ERI1: variants seen among roughly 807,000 people sequenced by gnomAD.
ERI1 encodes 3'-5' exoribonuclease 1.
Under a neutral mutation model 39.7 loss-of-function variants are expected in ERI1, and 39 were observed. That is an observed-to-expected ratio of 0.98 (90% CI 0.76 to 1.28). The LOEUF (loss-of-function observed/expected upper bound fraction) is 1.28, where lower values mean the gene tolerates loss of function less well. Ranked by LOEUF, ERI1 falls within the 50% of genes most tolerant of loss-of-function variation. The pLI is 0.00. For synonymous variants in ERI1, 204 were observed against 149.6 expected, an observed-to-expected ratio of 1.36 and a Z score of -2.65; for missense variants, 581 against 416.9, an observed-to-expected ratio of 1.39 and a Z score of -3.43.
intron 3 of ERI1, among the ~76,000 whole-genome samples, chr8:9,063,013 A>G (rs1339472742): frequency 6.6e-6 from 1 of 152,142 alleles, no homozygotes; most frequent in Non-Finnish European, 1.5e-5. Flanking sequence ...GGAGGCAAGG[A>G]ATTGCAACTC....
intron 3 of ERI1, among the ~76,000 whole-genome samples, chr8:9,069,689 A>C (rs1049411766): frequency 6.6e-6 from 1 of 152,234 alleles, no homozygotes; most frequent in Admixed American, 6.5e-5. Flanking sequence ...ATACACATGT[A>C]ACAAACCGGC....
At chr8:9,021,159 A>G (rs550164497) in intron 6 of ERI1, among the ~76,000 whole-genome samples, 5 of 152,282 alleles carry the variant, frequency 3.3e-5, no homozygotes, top group East Asian at 3.9e-4. Context: ...AGTGTCCACA[A>G]CTTTCCCCTG....
At chr8:9,026,993 G>C (rs4840389) in intron 6 of ERI1, among the ~76,000 whole-genome samples, 71,118 of 151,956 alleles carry the variant, frequency 0.47, 18,245 homozygotes, top group African/African-American at 0.63. Flanking sequence ...ATAGGAGTTG[G>C]TGGAGCATGT....
At chr8:9,034,648 A>G (rs1300115227), downstream of ERI1, among the ~76,000 whole-genome samples, 2 of 152,156 alleles carry the variant, frequency 1.3e-5, no homozygotes, top group Non-Finnish European at 2.9e-5. Context: ...AGACCTACCT[A>G]TTCCCTGAGA....
chr8:9,095,604 C>G (rs1206283652), intron 3 of ERI1, among the ~76,000 whole-genome samples: 1 of 152,070 alleles, frequency 6.6e-6, no homozygotes, highest in East Asian at 1.9e-4. Flanking sequence ...TTCCTGGGCT[C>G]AAGCCTCCCT....
intron 1 of ERI1, among the ~76,000 whole-genome samples, chr8:9,005,696 C>T (rs915813614): frequency 6.8e-6 from 1 of 147,350 alleles, no homozygotes; most frequent in East Asian, 2.0e-4. Context: ...TTAGTAGAGA[C>T]GGGGTTTCAC....
In ERI1 at chr8:9,003,979, C is replaced by G. The variant is rs1251592577; in HGVS notation, c.108+808C>G. On this transcript the variant is annotated intron_variant, in intron 1 of 6. Coordinates refer to ENST00000250263, the MANE Select transcript of ERI1 (RefSeq NM_153332.4). The stretch of plus-strand genomic sequence containing the variant: ...CAATAACATGAATTTGGCTTATTCC[C>G]CTCCTGAGTCACTTCCATTTGCTGC... 6.3e-6 allele frequency: 5 copies of G among 790,498 alleles called. No homozygotes were observed. The African/African-American group carries it at 7.2e-5, about 11-fold the overall frequency. 49.0% of individuals were successfully genotyped at this position (790,498 alleles called of 1,614,324 possible).
chr8:9,036,817 C>T (rs1359090840), downstream of ERI1, among the ~76,000 whole-genome samples: 2 of 152,134 alleles, frequency 1.3e-5, no homozygotes, highest in East Asian at 3.9e-4. Flanking sequence ...TGAGCCTTCC[C>T]CTTGAAGTGT....
chr8:9,098,536 A>G (rs535245812), intron 3 of ERI1, among the ~76,000 whole-genome samples: 1 of 152,154 alleles, frequency 6.6e-6, no homozygotes, highest in South Asian at 2.1e-4. Flanking sequence ...ACAATAACAA[A>G]AAGAAGGATA....
chr8:9,074,140 T>C (rs1799136740), intron 3 of ERI1, among the ~76,000 whole-genome samples: 1 of 152,036 alleles, frequency 6.6e-6, no homozygotes, highest in Non-Finnish European at 1.5e-5. Context: ...AGACATGGTC[T>C]TGCTCTGTTG....
intron 3 of ERI1, among the ~76,000 whole-genome samples, chr8:9,048,936 G>A (rs1023120989): frequency 1.4e-4 from 22 of 152,068 alleles, no homozygotes; most frequent in Admixed American, 1.0e-3. Context: ...GTGAGCCACC[G>A]CGCTCGGCCA....
intron 3 of ERI1, among the ~76,000 whole-genome samples, chr8:9,081,511 C>T (rs1015087230): frequency 2.0e-5 from 3 of 152,094 alleles, no homozygotes; most frequent in South Asian, 2.1e-4. Flanking sequence ...CCAGCTCAGC[C>T]ATTTTCTCTC....
intron 3 of ERI1, among the ~76,000 whole-genome samples, chr8:9,082,392 C>T (rs1799398649): frequency 6.6e-6 from 1 of 152,196 alleles, no homozygotes. Context: ...AGAAGGGCTT[C>T]TCTGCCATGG....
intron 3 of ERI1, among the ~76,000 whole-genome samples, chr8:9,056,237 C>T (rs1420335768): frequency 6.6e-6 from 1 of 152,250 alleles, no homozygotes; most frequent in Non-Finnish European, 1.5e-5. Flanking sequence ...GATTTGGGAT[C>T]AGCTGGATGG....
chr8:9,057,248 G>C (rs998133854), intron 3 of ERI1, among the ~76,000 whole-genome samples: 1 of 152,134 alleles, frequency 6.6e-6, no homozygotes, highest in East Asian at 1.9e-4. Flanking sequence ...GGGTTCAAGT[G>C]ATCCTCCTGC....
Position 9,018,399 on chromosome 8 carries a change from A to G in ERI1, c.685A>G (p.Thr229Ala). The G allele has an allele frequency of 6.6e-7, 1 of 1,524,860 alleles. No individual in the cohort carries two copies. The highest frequency in any genetic ancestry group is 9.1e-7 in the Non-Finnish European group (1 of 1,100,726). 94.5% of individuals were successfully genotyped at this position (1,524,860 alleles called of 1,614,324 possible). The change falls in exon 5 of 7, where the codon ACA becomes GCA. Residue 229 changes from threonine (T) to alanine (A), a missense_variant. Transcript: ENST00000250263. ...AACAAAGTATAAATACTCACTTTTA[A>G]CAGATGGGTAAGTATTTAGGAAGAT... ...LGTKYKYSLL[T>A]DGSWDMSKFL... is the part of the protein sequence containing the mutation.
chr8:9,019,918 T>C (rs1186019066), intron 5 of ERI1, among the ~76,000 whole-genome samples: 1 of 152,222 alleles, frequency 6.6e-6, no homozygotes, highest in Admixed American at 6.5e-5. Flanking sequence ...GTTAGTGTTA[T>C]AGAAAAATGT....
chr8:9,019,631 C>G (rs1337829655), intron 5 of ERI1, among the ~76,000 whole-genome samples: 1 of 152,112 alleles, frequency 6.6e-6, no homozygotes, highest in African/African-American at 2.4e-5. Context: ...GAGGTTGCGT[C>G]AAAGTATATG....
chr8:9,081,884 G>A (rs1485543043), intron 3 of ERI1, among the ~76,000 whole-genome samples: 1 of 152,092 alleles, frequency 6.6e-6, no homozygotes, highest in Non-Finnish European at 1.5e-5. Flanking sequence ...ATTATTCTAT[G>A]TCTAGACTTC....
Sources: gnomAD v4.1 joint callset for allele counts (sites outside exome capture counted in the v4.1 genomes callset) on GRCh38, gnomAD v4.1.1 for gene constraint, MANE v1.5 for transcripts, NCBI Gene and HGNC (gene_info 2026-07-23, HGNC 2026-07-21) for gene names.